The following JAM3 variants were observed in gnomAD, a reference collection of about 807,000 sequenced individuals.
JAM3 encodes junctional adhesion molecule 3, also known as junctional adhesion molecule C.
In JAM3, 31 loss-of-function variants were observed where a neutral mutation model predicts 39.4. The ratio of observed to expected loss-of-function variants is 0.79; its 90% CI spans 0.59 to 1.06. The LOEUF (loss-of-function observed/expected upper bound fraction) is 1.06, where lower values mean the gene tolerates loss of function less well. Ranked by LOEUF, JAM3 falls within the 50% of genes least tolerant of loss-of-function variation. JAM3 has a pLI of 0.00. For missense variants in JAM3, 455 were observed against 391.4 expected (o/e 1.16, Z -1.37); for synonymous variants, 182 against 148.7 (o/e 1.22, Z -1.63).
chr11:134,079,252 C>G (rs894565981), intron 1 of JAM3, among the ~76,000 whole-genome samples: 4 of 152,146 alleles, frequency 2.6e-5, no homozygotes, highest in Admixed American at 2.6e-4. Context: ...AAACATCTAT[C>G]ATTAACTTAA....
At chr11:134,148,504 G>C (rs1322743121) in intron 6 of JAM3, 43 bp from the exon 7 acceptor site, 1 of 1,613,226 alleles carries the variant, frequency 6.2e-7, no homozygotes, top group Non-Finnish European at 8.5e-7. Flanking sequence ...TTAAATAACA[G>C]ATAGTGTGTA....
Position 134,150,888 on chromosome 11 carries a change from G to A in JAM3, c.*1707G>A, listed in dbSNP as rs910203497. ...GGAGCAGCCAGGTGAAAGGCCTGGC[G>A]GGGAGGAAAGTGAAACGCCTGAATC... On this transcript the variant is annotated 3_prime_UTR_variant, in exon 9 of 9. Coordinates refer to ENST00000299106, the MANE Select transcript of JAM3 (RefSeq NM_032801.5). The A allele has an allele frequency of 1.3e-5, 2 of 152,160 alleles. No homozygotes were observed. The highest frequency in any genetic ancestry group is 6.5e-5 in the Admixed American group (1 of 15,292). 9.4% of individuals were successfully genotyped at this position (152,160 alleles called of 1,614,324 possible). A position where few individuals can be genotyped will look rare whatever the true frequency, so the allele number is the denominator to read the frequency against.
intron 1 of JAM3, among the ~76,000 whole-genome samples, chr11:134,132,664 G>A (rs1240676771): frequency 6.6e-6 from 1 of 152,172 alleles, no homozygotes; most frequent in Non-Finnish European, 1.5e-5. Context: ...AGGACAGAAT[G>A]CTTCAGAGGT....
At chr11:134,077,773 A>T (rs1033444521) in intron 1 of JAM3, among the ~76,000 whole-genome samples, 1 of 148,500 alleles carries the variant, frequency 6.7e-6, no homozygotes, top group African/African-American at 2.5e-5. Flanking sequence ...CAGCCTCCTG[A>T]GTAGCTGGGA....
At position 134,149,430 on chromosome 11, in the gene JAM3, G is replaced by C; in HGVS notation, c.*249G>C. 2 of 603,998 alleles carry C rather than the reference G, an allele frequency of 3.3e-6. No individual in the cohort carries two copies. Among genetic ancestry groups the C allele is most frequent in the Non-Finnish European group, 5.9e-6 (2 of 337,006 alleles). The allele number at this position is 603,998 out of a possible 1,614,324, so 37.4% of individuals were successfully genotyped here. ...GAAACTGGGTGCGTTCACTGAGTTG[G>C]GTTCCTAATCTGTTTCTGGCCTGAT... On this transcript the variant is annotated 3_prime_UTR_variant, in exon 9 of 9. Transcript: ENST00000299106.
At chr11:134,078,686 C>T (rs1941613816) in intron 1 of JAM3, among the ~76,000 whole-genome samples, 1 of 152,204 alleles carries the variant, frequency 6.6e-6, no homozygotes, top group African/African-American at 2.4e-5. Flanking sequence ...GGAAGAGTCA[C>T]ACACCCTTCT....
rs770801809 is a variant in JAM3 at position 134,146,013 on chromosome 11, C to T, written c.680C>T (p.Ser227Leu). 5.0e-6 allele frequency: 8 copies of T among 1,614,114 alleles called. No individual in the cohort carries two copies. The Admixed American group carries it at 5.0e-5, about 10-fold the overall frequency. The stretch of plus-strand genomic sequence containing the variant: ...TGCATTGCTTCCAATGACGCAGGCT[C>T]AGCCAGGTGTGAGGAGCAGGAGATG... ...YYCIASNDAG[S>L]ARCEEQEMEV... Residue 227 changes from serine to leucine, a missense_variant, in exon 6 of 9, where the codon TCA (serine) becomes TTA (leucine). Physicochemically the swap from Ser to Leu is moderately radical, Grantham distance 145 (BLOSUM62 -2). Coordinates refer to ENST00000299106, the MANE Select transcript of JAM3 (RefSeq NM_032801.5).
chr11:134,090,545 TG>T (rs1264313181), intron 1 of JAM3, among the ~76,000 whole-genome samples: 1 of 150,786 alleles, frequency 6.6e-6, no homozygotes, highest in African/African-American at 2.4e-5. Context: ...ATAAACTGAA[TG>T]ATAGGTAGGA....
intron 1 of JAM3, among the ~76,000 whole-genome samples, chr11:134,106,550 C>T (rs968308088): frequency 1.3e-5 from 2 of 152,164 alleles, no homozygotes; most frequent in African/African-American, 4.8e-5. Flanking sequence ...TCAGAGTGAA[C>T]AGGCAACCTA....
chr11:134,112,189 G>A (rs1181154858), intron 1 of JAM3, among the ~76,000 whole-genome samples: 1 of 152,002 alleles, frequency 6.6e-6, no homozygotes, highest in Non-Finnish European at 1.5e-5. Context: ...CGGGTTCAAG[G>A]AATTCTCCTG....
intron 1 of JAM3, among the ~76,000 whole-genome samples, chr11:134,113,996 C>A (rs1259914): frequency 6.6e-6 from 1 of 151,882 alleles, no homozygotes; most frequent in African/African-American, 2.4e-5. Flanking sequence ...GTCTTCTTTT[C>A]AGAAGTGTCT....
chr11:134,142,016 GCCT>G (rs1307900174), intron 3 of JAM3, among the ~76,000 whole-genome samples: 2 of 152,034 alleles, frequency 1.3e-5, no homozygotes, highest in East Asian at 1.9e-4. Context: ...TCCCTCCTTT[GCCT>G]CTTATTTTTG....
intron 1 of JAM3, among the ~76,000 whole-genome samples, chr11:134,084,631 T>C (rs1941718691): frequency 6.6e-6 from 1 of 152,224 alleles, no homozygotes; most frequent in Admixed American, 6.5e-5. Context: ...ACTGTGCTTG[T>C]TCCTGCCAGT....
chr11:134,093,021 G>A (rs1941900907), intron 1 of JAM3, among the ~76,000 whole-genome samples: 1 of 141,976 alleles, frequency 7.0e-6, no homozygotes, highest in Non-Finnish European at 1.5e-5. Flanking sequence ...GTCACTTCCT[G>A]AGGGAAGCTT....
chr11:134,114,634 G>A (rs1022860638), intron 1 of JAM3, among the ~76,000 whole-genome samples: 1 of 152,140 alleles, frequency 6.6e-6, no homozygotes, highest in Non-Finnish European at 1.5e-5. Flanking sequence ...AAATGTGTTA[G>A]TTTCCAAACA....
At chr11:134,119,781 C>G (rs1467409012) in intron 1 of JAM3, among the ~76,000 whole-genome samples, 1 of 152,180 alleles carries the variant, frequency 6.6e-6, no homozygotes, top group East Asian at 1.9e-4. Flanking sequence ...AAAAACCCTC[C>G]AAGTTGACAC....
At chr11:134,121,651 GAAA>G (rs1396278402) in intron 1 of JAM3, among the ~76,000 whole-genome samples, 1 of 151,932 alleles carries the variant, frequency 6.6e-6, no homozygotes, top group Admixed American at 6.6e-5. Context: ...TAATTTTAAG[GAAA>G]AAAATCCAGT....
At chr11:134,090,921 G>C (rs1471162057) in intron 1 of JAM3, among the ~76,000 whole-genome samples, 1 of 152,212 alleles carries the variant, frequency 6.6e-6, no homozygotes, top group Non-Finnish European at 1.5e-5. Flanking sequence ...AATGAAGACA[G>C]ACATTTAGAG....
chr11:134,094,781 G>A (rs1941946110), intron 1 of JAM3, among the ~76,000 whole-genome samples: 1 of 152,190 alleles, frequency 6.6e-6, no homozygotes, highest in African/African-American at 2.4e-5. Context: ...GAATTAGAAT[G>A]TTGTTTGTGT....
Sources: gnomAD v4.1 joint callset for allele counts (sites outside exome capture counted in the v4.1 genomes callset) on GRCh38, gnomAD v4.1.1 for gene constraint, MANE v1.5 for transcripts, NCBI Gene and HGNC (gene_info 2026-07-23, HGNC 2026-07-21) for gene names.